Variants in TTC39C observed in about 807,000 individuals in gnomAD.
The protein encoded by TTC39C is tetratricopeptide repeat domain 39C.
A neutral mutation model predicts 76.3 loss-of-function variants in TTC39C; 33 were observed. The observed-to-expected ratio is 0.43, with a 90% CI of 0.33 to 0.58. The LOEUF is 0.58. TTC39C is among the 20% of genes least tolerant of loss of function. The probability of loss-of-function intolerance (pLI) is 0.04; values close to 1 mark genes in which losing one functional copy is unlikely to be tolerated. For synonymous variants in TTC39C, 254 were observed against 260.6 expected (o/e 0.97, Z 0.24); for missense variants, 595 against 701.4 (o/e 0.85, Z 1.71).
chr18:24,101,523 C>A lies in TTC39C; in HGVS notation c.985-13031C>A, dbSNP rs185015904. 4.3e-3 allele frequency among the ~76,000 whole-genome samples: 655 copies of A among 151,230 alleles called. 3 individuals are homozygous for A. The highest frequency in any genetic ancestry group is 0.014 in the Middle Eastern group (4 of 294). ...GCAGTGAGTCGATATTGTGCCACTG[C>A]ACTCCAGCCTGGCGACAGAGCGAGA... On this transcript the variant is annotated intron_variant, in intron 6 of 13. Transcript: ENST00000317571.
chr18:23,999,131 C>T lies in TTC39C; in HGVS notation c.-17+6093C>T, dbSNP rs142906370. On this transcript the variant is annotated intron_variant, in intron 1 of 13. Transcript: ENST00000304621. Reference sequence around the variant, plus strand: ...GTGTTTGAGCCTCAGGTAAGTTGAGCGCTGTGGACATATGGGTGTGATGAA... The same window carrying T: ...GTGTTTGAGCCTCAGGTAAGTTGAGTGCTGTGGACATATGGGTGTGATGAA... 2.7e-3 allele frequency among the ~76,000 whole-genome samples: 408 copies of T among 152,310 alleles called. 2 individuals are homozygous for T. Among genetic ancestry groups the T allele is most frequent in the African/African-American group, 9.3e-3 (388 of 41,566 alleles).
intron 8 of TTC39C, 69 bp from the exon 9 acceptor site, chr18:24,123,765 C>A: frequency 9.3e-7 from 1 of 1,077,730 alleles, no homozygotes; most frequent in Non-Finnish European, 1.3e-6. Flanking sequence ...CAAGTATCAT[C>A]ACTTCAGGTA....
chr18:24,118,477 G>A (rs1418141820), intron 8 of TTC39C, among the ~76,000 whole-genome samples: 2 of 152,112 alleles, frequency 1.3e-5, no homozygotes, highest in African/African-American at 4.8e-5. Flanking sequence ...TCCCCTCTGG[G>A]CCTGGCTTGG....
intron 1 of TTC39C, among the ~76,000 whole-genome samples, chr18:24,021,349 G>A (rs1470279519): frequency 6.6e-6 from 1 of 152,078 alleles, no homozygotes; most frequent in Non-Finnish European, 1.5e-5. Flanking sequence ...TGTAACGTGG[G>A]TCCGTTTGGG....
intron 8 of TTC39C, among the ~76,000 whole-genome samples, chr18:24,120,289 G>A (rs930243655): frequency 3.3e-5 from 5 of 152,174 alleles, no homozygotes; most frequent in African/African-American, 9.6e-5. Context: ...GGCAGAGGTT[G>A]CAGTGAGCTG....
intron 1 of TTC39C, among the ~76,000 whole-genome samples, chr18:24,052,684 T>C (rs897615274): frequency 6.6e-6 from 1 of 152,234 alleles, no homozygotes; most frequent in African/African-American, 2.4e-5. Context: ...TTGGTGTGAT[T>C]TCTTACTCAC....
intron 3 of TTC39C, among the ~76,000 whole-genome samples, chr18:24,068,877 C>G (rs2084202527): frequency 6.6e-6 from 1 of 152,160 alleles, no homozygotes; most frequent in South Asian, 2.1e-4. Flanking sequence ...AAAGGTGAAA[C>G]TCCGAGGTTT....
chr18:24,098,951 C>G (rs144060259), intron 6 of TTC39C, among the ~76,000 whole-genome samples: 1 of 149,182 alleles, frequency 6.7e-6, no homozygotes, highest in South Asian at 2.1e-4. Context: ...TTTTTTTAAT[C>G]GAGTGTTTTT....
chr18:24,044,352 G>T (rs1464791983), intron 1 of TTC39C, among the ~76,000 whole-genome samples: 1 of 152,192 alleles, frequency 6.6e-6, no homozygotes, highest in Non-Finnish European at 1.5e-5. Context: ...GAGAAGCCAT[G>T]CTAGCGAAGG....
At chr18:24,078,832 C>T (rs2084340009) in intron 4 of TTC39C, among the ~76,000 whole-genome samples, 2 of 152,156 alleles carry the variant, frequency 1.3e-5, no homozygotes, top group African/African-American at 4.8e-5. Context: ...CACAGTGAGC[C>T]ACTCTTATCA....
intron 4 of TTC39C, among the ~76,000 whole-genome samples, chr18:24,071,276 C>G (rs1242209982): frequency 6.6e-6 from 1 of 152,174 alleles, no homozygotes; most frequent in Non-Finnish European, 1.5e-5. Flanking sequence ...AATCATTGAT[C>G]CATTCAACAA....
upstream of TTC39C, among the ~76,000 whole-genome samples, chr18:24,011,582 A>G (rs1464886652): frequency 6.6e-6 from 1 of 152,130 alleles, no homozygotes; most frequent in Non-Finnish European, 1.5e-5. Flanking sequence ...ACCAATCAAT[A>G]TGTTTGCTTT....
At chr18:24,112,694 G>C (rs547592103) in intron 6 of TTC39C, among the ~76,000 whole-genome samples, 4 of 152,166 alleles carry the variant, frequency 2.6e-5, no homozygotes, top group Admixed American at 6.5e-5. Context: ...GGGGACACGG[G>C]GGGGAACAGC....
intron 1 of TTC39C, among the ~76,000 whole-genome samples, chr18:23,993,622 T>C (rs2083237132): frequency 6.6e-6 from 1 of 152,244 alleles, no homozygotes; most frequent in Non-Finnish European, 1.5e-5. Context: ...CTGTGAAATT[T>C]AGAATCTCAT....
At position 24,015,018 on chromosome 18, in the gene TTC39C, C is replaced by T; in HGVS notation, c.147C>T (p.Asp49=). The change falls in exon 1 of 14, where the codon GAC becomes GAT. Residue 49 remains aspartate, a synonymous_variant. Coordinates refer to ENST00000317571, the MANE Select transcript of TTC39C (RefSeq NM_001135993.2). ...MLLNNGFRES[D]QLFKQYRNHS... ...TCAACAACGGCTTCAGGGAGTCGGA[C>T]CAGCTTTTCAAACAATACAGGTGAC... is the stretch of plus-strand genomic sequence containing the variant. 1 of 1,512,192 alleles carries T rather than the reference C, an allele frequency of 6.6e-7. No homozygotes were observed. Among genetic ancestry groups the T allele is most frequent in the African/African-American group, 1.4e-5 (1 of 69,414 alleles). 93.7% of individuals were successfully genotyped at this position (1,512,192 alleles called of 1,614,324 possible).
At chr18:24,121,470 T>G (rs1568445541) in intron 8 of TTC39C, among the ~76,000 whole-genome samples, 1 of 151,956 alleles carries the variant, frequency 6.6e-6, no homozygotes, top group African/African-American at 2.4e-5. Flanking sequence ...TCCCAGCTAC[T>G]CGGGAGACTG....
intron 1 of TTC39C, chr18:24,006,505 A>G (rs999241136): frequency 6.6e-6 from 1 of 151,322 alleles, no homozygotes; most frequent in Non-Finnish European, 1.5e-5. Context: ...GATGGACGTG[A>G]AAGTAATCAA....
At chr18:24,061,875 G>T in intron 1 of TTC39C, among the ~76,000 whole-genome samples, 1 of 152,236 alleles carries the variant, frequency 6.6e-6, no homozygotes, top group East Asian at 1.9e-4. Flanking sequence ...TTGCACTCCA[G>T]CCTGGGTGAC....
intron 1 of TTC39C, among the ~76,000 whole-genome samples, chr18:24,062,091 A>G (rs2084108705): frequency 6.6e-6 from 1 of 152,160 alleles, no homozygotes; most frequent in South Asian, 2.1e-4. Context: ...CGTTGTTGCT[A>G]TGGTTTCTTT....
Sources: gnomAD v4.1 joint callset for allele counts (sites outside exome capture counted in the v4.1 genomes callset) on GRCh38, gnomAD v4.1.1 for gene constraint, MANE v1.5 for transcripts, NCBI Gene and HGNC (gene_info 2026-07-23, HGNC 2026-07-21) for gene names.